Variants in TANC1 observed in about 807,000 individuals in gnomAD.
TANC1 encodes the protein protein TANC1.
In TANC1, 77 loss-of-function variants were observed where a neutral mutation model predicts 149.7. The observed-to-expected ratio is 0.51, with a 90% CI of 0.43 to 0.62. The LOEUF is 0.62. Ranked by LOEUF, TANC1 falls within the 20% of genes least tolerant of loss-of-function variation. The pLI is 0.00. For missense variants in TANC1, 1,985 were observed against 2,321.8 expected, an observed-to-expected ratio of 0.85 and a Z score of 2.98; for synonymous variants, 854 against 925.0, an observed-to-expected ratio of 0.92 and a Z score of 1.39.
chr2:159,221,669 C>T (rs1206811183), intron 22 of TANC1, among the ~76,000 whole-genome samples: 2 of 152,144 alleles, frequency 1.3e-5, no homozygotes, highest in Non-Finnish European at 2.9e-5. Context: ...ACAGGATTTC[C>T]TTATTTTAAA....
chr2:158,971,873 A>T (rs777490780), intron 1 of TANC1, among the ~76,000 whole-genome samples: 13 of 152,232 alleles, frequency 8.5e-5, no homozygotes, highest in Non-Finnish European at 1.6e-4. Context: ...TAAATAGTTG[A>T]GTTGAACTTG....
intron 2 of TANC1, among the ~76,000 whole-genome samples, chr2:159,035,955 C>T (rs1274632831): frequency 6.6e-6 from 1 of 152,208 alleles, no homozygotes; most frequent in East Asian, 1.9e-4. Context: ...ATCTGTGGGT[C>T]CTCCGGACAG....
At chr2:159,126,241 G>A (rs190219349) in intron 4 of TANC1, among the ~76,000 whole-genome samples, 252 of 152,290 alleles carry the variant, frequency 1.7e-3, no homozygotes, top group African/African-American at 5.8e-3. Context: ...GCCCACCAAA[G>A]GCAGAATTCA....
At chr2:159,093,353 G>A (rs1316839049) in intron 3 of TANC1, among the ~76,000 whole-genome samples, 3 of 152,204 alleles carry the variant, frequency 2.0e-5, no homozygotes, top group Non-Finnish European at 4.4e-5. Flanking sequence ...CCTCTTAAAT[G>A]TCTTTAAGCT....
intron 2 of TANC1, among the ~76,000 whole-genome samples, chr2:159,007,847 G>A (rs1219724985): frequency 1.3e-5 from 2 of 152,174 alleles, no homozygotes; most frequent in South Asian, 4.1e-4. Flanking sequence ...TTGGCTCAAG[G>A]GCCCCCAAAC....
intron 16 of TANC1, among the ~76,000 whole-genome samples, chr2:159,189,205 A>T (rs974745043): frequency 1.2e-4 from 18 of 152,274 alleles, no homozygotes; most frequent in African/African-American, 4.3e-4. Context: ...ATCTCTGGAA[A>T]CAGTGGCTCT....
chr2:159,171,871 A>AAAAAAAAG (rs70994272), intron 10 of TANC1, among the ~76,000 whole-genome samples: 2,402 of 105,582 alleles, frequency 0.023, 132 homozygotes, highest in African/African-American at 0.038. Flanking sequence ...AAAAAAAAAA[A>AAAAAAAAG]AAAAGAAAAA....
In TANC1 at chr2:159,228,859, G is replaced by A; in HGVS notation, c.4114G>A (p.Ala1372Thr). 6.2e-7 allele frequency: 1 copy of A among 1,614,152 alleles called. No individual in the cohort carries two copies. The highest frequency in any genetic ancestry group is 8.5e-7 in the Non-Finnish European group (1 of 1,180,008). ...ALELKPKSYE[A>T]FYARARAKRN... ...CGAATTGAAGCCCAAGTCCTATGAA[G>A]CCTTTTATGCCAGAGCAAGAGCGAA... is the stretch of plus-strand genomic sequence containing the variant. The change falls in exon 26 of 27, where the codon GCC becomes ACC. Residue 1372 changes from alanine (A) to threonine (T), a missense_variant. By Grantham distance (58) the Ala-to-Thr change is moderately conservative. This residue lies in a region of TANC1 where 920 missense variants were observed against 994.7 expected (regional missense o/e 0.92). Transcript: ENST00000263635.
chr2:159,041,027 G>A (rs1211793522), intron 2 of TANC1, among the ~76,000 whole-genome samples: 1 of 152,214 alleles, frequency 6.6e-6, no homozygotes. Flanking sequence ...TCCCTCAGCT[G>A]CAGGTCTGTT....
intron 4 of TANC1, among the ~76,000 whole-genome samples, chr2:159,123,996 G>A (rs1378236340): frequency 2.6e-5 from 4 of 152,032 alleles, no homozygotes; most frequent in Admixed American, 6.6e-5. Context: ...CTTGAATTTT[G>A]AGCTTTCTTG....
chr2:159,139,124 T>C (rs935572395), intron 5 of TANC1, among the ~76,000 whole-genome samples: 1 of 152,120 alleles, frequency 6.6e-6, no homozygotes. Flanking sequence ...TTCCAGTGAT[T>C]CAGGGGGCCG....
In TANC1 at chr2:159,199,058, T is replaced by C; in HGVS notation, c.3244+5T>C. 3.1e-6 allele frequency: 5 copies of C among 1,611,410 alleles called. No homozygotes were observed. Among genetic ancestry groups the C allele is most frequent in the Non-Finnish European group, 4.2e-6 (5 of 1,177,576 alleles). ...ACACATTGTGGGGAGAAACAGGTAA[T>C]TATAATGCCACTGCTTGTAGTCTGG... On this transcript the variant is annotated splice_donor_5th_base_variant and intron_variant, in intron 19 of 26. Coordinates refer to ENST00000263635, the MANE Select transcript of TANC1 (RefSeq NM_033394.3).
intron 7 of TANC1, chr2:159,150,912 A>G: frequency 5.3e-6 from 1 of 187,218 alleles, no homozygotes; most frequent in East Asian, 1.5e-4. Context: ...ATTCCTGCAT[A>G]TTAAGACGTC....
chr2:159,029,336 C>T (rs1260688330), intron 2 of TANC1, among the ~76,000 whole-genome samples: 1 of 152,188 alleles, frequency 6.6e-6, no homozygotes, highest in Non-Finnish European at 1.5e-5. Flanking sequence ...GGGATCCTGA[C>T]TTCAGTTCTT....
intron 3 of TANC1, among the ~76,000 whole-genome samples, chr2:159,089,353 T>C (rs1433185891): frequency 1.3e-5 from 2 of 152,220 alleles, no homozygotes; most frequent in Non-Finnish European, 2.9e-5. Flanking sequence ...TTGCCAGGAC[T>C]GCTAGCCAGA....
At position 159,230,157 on chromosome 2, in the gene TANC1, C is replaced by T; in HGVS notation, c.4731C>T (p.Ser1577=). ...GAATCGCTGCCACTCCTGCTGGGAG[C>T]AGAACCCAGCATTTAGAGGGAACAG... ...PGRIAATPAG[S]RTQHLEGTGT... The change falls in exon 27 of 27, where the codon AGC becomes AGT. Residue 1577 remains serine, a synonymous_variant. Coordinates refer to ENST00000263635, the MANE Select transcript of TANC1 (RefSeq NM_033394.3). This position sits in a 1 kb window ranked among gnomAD's most constrained non-coding sequence, Gnocchi z 4.4. 1 of 1,614,104 alleles carries T rather than the reference C, an allele frequency of 6.2e-7. No homozygotes were observed. The highest frequency in any genetic ancestry group is 8.5e-7 in the Non-Finnish European group (1 of 1,180,024).
chr2:159,224,356 C>G lies in TANC1; in HGVS notation c.3803C>G (p.Ala1268Gly). ...GTGGTGGCGCTACTCAGAAAGGGAG[C>G]CAAGTTAGGTCAGTGAGCACTGCCT... is the stretch of plus-strand genomic sequence containing the variant. ...SVVVALLRKGAKLGNAAWAMA... is the reference protein window; with the variant it reads ...SVVVALLRKGGKLGNAAWAMA... The change falls in exon 23 of 27, where the codon GCC (alanine) becomes GGC (glycine). Residue 1268 changes from alanine to glycine, a missense_variant. This residue lies in a region of TANC1 where 920 missense variants were observed against 994.7 expected (regional missense o/e 0.92). Coordinates refer to ENST00000263635, the MANE Select transcript of TANC1 (RefSeq NM_033394.3). 6.2e-7 allele frequency: 1 copy of G among 1,614,100 alleles called. No individual in the cohort carries two copies. Among genetic ancestry groups the G allele is most frequent in the Non-Finnish European group, 8.5e-7 (1 of 1,180,018 alleles).
chr2:159,065,244 C>T lies in TANC1; in HGVS notation c.-15-652C>T, dbSNP rs1460371621. 3.3e-5 allele frequency among the ~76,000 whole-genome samples: 5 copies of T among 152,116 alleles called. No homozygotes were observed. The East Asian group carries it at 7.7e-4, about 23-fold the overall frequency. On this transcript the variant is annotated intron_variant, in intron 2 of 26. Transcript: ENST00000263635. ...CAGCCTTTTCTTTAAAGGATCTGGCCGTAGTGCCACAGGCCTGTTCTACTT... is the reference window on the plus strand; with the variant it reads ...CAGCCTTTTCTTTAAAGGATCTGGCTGTAGTGCCACAGGCCTGTTCTACTT...
intron 8 of TANC1, among the ~76,000 whole-genome samples, chr2:159,167,668 G>T (rs967918035): frequency 1.3e-5 from 2 of 152,134 alleles, no homozygotes; most frequent in African/African-American, 4.8e-5. Context: ...TTTCTTGCTC[G>T]CTGGGAGGAT....
Sources: gnomAD v4.1 joint callset for allele counts (sites outside exome capture counted in the v4.1 genomes callset) on GRCh38, gnomAD v4.1.1 for gene constraint, gnomAD v4.1.1 regional missense constraint, Gnocchi (gnomAD v3.1) non-coding constraint, MANE v1.5 for transcripts, NCBI Gene and HGNC (gene_info 2026-07-23, HGNC 2026-07-21) for gene names.